The following LRRC7 variants were observed in gnomAD, a reference collection of about 807,000 sequenced individuals.
LRRC7 encodes the protein leucine rich repeat containing 7.
In LRRC7, 23 loss-of-function variants were observed where a neutral mutation model predicts 175.7. The ratio of observed to expected loss-of-function variants is 0.13; its 90% CI spans 0.09 to 0.19. LRRC7 has a LOEUF of 0.19. Among genes scored for constraint, LRRC7 ranks in the 10% least tolerant of loss-of-function variants. The probability of loss-of-function intolerance (pLI) is 1.00; values close to 1 mark genes in which losing one functional copy is unlikely to be tolerated. For synonymous variants in LRRC7, 685 were observed against 680.9 expected (o/e 1.01, Z -0.09); for missense variants, 1,354 against 1,904.7 (o/e 0.71, Z 5.38).
At chr1:69,718,185 G>GA (rs1331676303) in intron 2 of LRRC7, among the ~76,000 whole-genome samples, 37 of 132,548 alleles carry the variant, frequency 2.8e-4, no homozygotes, top group South Asian at 9.8e-4. Context: ...GAAAAGAAAA[G>GA]AAAGAGAGAG....
At chr1:69,570,313 A>AAATAAT (rs35984145) in intron 1 of LRRC7, among the ~76,000 whole-genome samples, 171 of 151,340 alleles carry the variant, frequency 1.1e-3, no homozygotes, top group South Asian at 8.9e-3. Context: ...TATAGAAGGA[A>AAATAAT]AATAATAATA....
chr1:70,091,673 C>T (rs1423351299), intron 25 of LRRC7, among the ~76,000 whole-genome samples: 2 of 152,138 alleles, frequency 1.3e-5, no homozygotes, highest in Non-Finnish European at 1.5e-5. Context: ...TGAATATGAA[C>T]ACTTTATAGC....
In LRRC7 at chr1:70,123,258, G is replaced by A. The variant is rs1053577410; in HGVS notation, c.*1371G>A. ...ATTTGAATTTCCAGGATAATTTCCC[G>A]GAGTTGGTTGCATGCATTATCTTTC... On this transcript the variant is annotated 3_prime_UTR_variant, in exon 27 of 27. Transcript: ENST00000651989. 3.3e-5 allele frequency: 5 copies of A among 151,896 alleles called. No individual in the cohort carries two copies. Among genetic ancestry groups the A allele is most frequent in the Non-Finnish European group, 7.4e-5 (5 of 67,932 alleles). The allele number at this position is 151,896 out of a possible 1,614,324, so 9.4% of individuals were successfully genotyped here. A position where few individuals can be genotyped will look rare whatever the true frequency, so the allele number is the denominator to read the frequency against.
intron 7 of LRRC7, among the ~76,000 whole-genome samples, chr1:69,857,426 C>T (rs1428135438): frequency 6.6e-6 from 1 of 152,162 alleles, no homozygotes; most frequent in African/African-American, 2.4e-5. Context: ...TCTCAGGATA[C>T]AAAATCAATG....
chr1:69,729,743 G>C (rs1371201935), intron 2 of LRRC7, among the ~76,000 whole-genome samples: 2 of 152,134 alleles, frequency 1.3e-5, no homozygotes, highest in Non-Finnish European at 2.9e-5. Context: ...CTGTTCTGGG[G>C]TCTGGAGGAC....
rs746302578 is a variant in LRRC7 at position 70,100,713 on chromosome 1, TCTC to T, written c.4546-7036_4546-7034del. Reference sequence around the variant, plus strand: ...TTAAATTTTCTGTTTCTAAAGCAATTCTCCTTCTGTTCATCTTTTACAGATTTT... The same window carrying T: ...TTAAATTTTCTGTTTCTAAAGCAATTCTTCTGTTCATCTTTTACAGATTTT... On this transcript the variant is annotated intron_variant, in intron 25 of 26. Coordinates refer to ENST00000651989, the MANE Select transcript of LRRC7 (RefSeq NM_001370785.2). 2.6e-5 allele frequency among the ~76,000 whole-genome samples: 4 copies of T among 152,190 alleles called. No homozygotes were observed. The South Asian group carries it at 6.2e-4, about 24-fold the overall frequency.
At chr1:69,912,190 G>A (rs1646552103) in intron 7 of LRRC7, among the ~76,000 whole-genome samples, 2 of 151,976 alleles carry the variant, frequency 1.3e-5, no homozygotes, top group Admixed American at 6.6e-5. Context: ...TACTCAGAAA[G>A]CCCAATATAA....
intron 7 of LRRC7, among the ~76,000 whole-genome samples, chr1:69,870,629 A>ATT (rs1685433928): frequency 6.6e-6 from 1 of 152,120 alleles, no homozygotes; most frequent in Admixed American, 6.6e-5. Context: ...GTATACATGC[A>ATT]ATTCCCGATG....
chr1:70,048,557 G>A (rs1660510323), intron 22 of LRRC7, among the ~76,000 whole-genome samples: 1 of 152,002 alleles, frequency 6.6e-6, no homozygotes, highest in African/African-American at 2.4e-5. Flanking sequence ...ATGACTCATA[G>A]GTTAAAAACC....
rs1426816732 is a variant in LRRC7 at position 70,136,953 on chromosome 1, G to A, written c.*15066G>A. On this transcript the variant is annotated 3_prime_UTR_variant, in exon 27 of 27. Coordinates refer to ENST00000651989, the MANE Select transcript of LRRC7 (RefSeq NM_001370785.2). Reference sequence around the variant, plus strand: ...TTGCCCAGGCTGGTCTCGAACTCCTGAGCTCAAGTGATCCTCCCACCTCAG... The same window carrying A: ...TTGCCCAGGCTGGTCTCGAACTCCTAAGCTCAAGTGATCCTCCCACCTCAG... 6.6e-6 allele frequency among the ~76,000 whole-genome samples: 1 copy of A among 151,822 alleles called. No homozygotes were observed. Among genetic ancestry groups the A allele is most frequent in the Admixed American group, 6.6e-5 (1 of 15,240 alleles).
chr1:70,125,025 T>C lies in LRRC7; in HGVS notation c.*3138T>C, dbSNP rs1205890386. ...AAAACTATTTACAAGGCTCATAATA[T>C]TTTGTCATTAAAGCTCTGCTATGAT... On this transcript the variant is annotated 3_prime_UTR_variant, in exon 27 of 27. Transcript: ENST00000651989. Among the ~76,000 whole-genome samples the C allele has an allele frequency of 6.6e-6, 1 of 152,230 alleles. No homozygotes were observed. The highest frequency in any genetic ancestry group is 2.4e-5 in the African/African-American group (1 of 41,462).
At chr1:69,938,275 A>T (rs1427561334) in intron 8 of LRRC7, among the ~76,000 whole-genome samples, 1 of 152,088 alleles carries the variant, frequency 6.6e-6, no homozygotes, top group Non-Finnish European at 1.5e-5. Flanking sequence ...AGCCATCCAC[A>T]AACTATATTA....
At chr1:69,753,646 C>T (rs549227505) in intron 2 of LRRC7, among the ~76,000 whole-genome samples, 5 of 152,014 alleles carry the variant, frequency 3.3e-5, no homozygotes, top group Non-Finnish European at 5.9e-5. Context: ...TCATATTTTA[C>T]ACCCGTATTC....
chr1:69,609,623 A>C (rs966649407), intron 1 of LRRC7, among the ~76,000 whole-genome samples: 87 of 152,086 alleles, frequency 5.7e-4, no homozygotes, highest in African/African-American at 2.0e-3. Context: ...GATGGTGCTC[A>C]GCTGGTACAT....
chr1:69,853,907 G>A (rs1012930374), intron 7 of LRRC7, among the ~76,000 whole-genome samples: 3 of 152,108 alleles, frequency 2.0e-5, no homozygotes, highest in African/African-American at 4.8e-5. Context: ...TTACTACCTT[G>A]TAAAGCCTGG....
At chr1:70,060,485 C>T (rs897711777) in intron 23 of LRRC7, among the ~76,000 whole-genome samples, 1 of 152,034 alleles carries the variant, frequency 6.6e-6, no homozygotes, top group Non-Finnish European at 1.5e-5. Context: ...TGAGAATAGG[C>T]ATTGTGCTGT....
intron 7 of LRRC7, among the ~76,000 whole-genome samples, chr1:69,924,763 C>A (rs1230207108): frequency 6.6e-6 from 1 of 152,170 alleles, no homozygotes; most frequent in Admixed American, 6.5e-5. Context: ...AATTTGACTT[C>A]CTCTTTTCCT....
intron 3 of LRRC7, among the ~76,000 whole-genome samples, chr1:69,778,497 T>C (rs375928312): frequency 2.9e-4 from 44 of 152,122 alleles, no homozygotes; most frequent in African/African-American, 1.0e-3. Context: ...TATGCAAGAG[T>C]ATATGAAAAC....
intron 4 of LRRC7, among the ~76,000 whole-genome samples, chr1:69,801,938 AT>A (rs1005462418): frequency 1.6e-4 from 22 of 141,298 alleles, no homozygotes; most frequent in East Asian, 1.1e-3. Context: ...TCATTTCAAA[AT>A]TTTTTTTTCT....
Sources: allele counts gnomAD v4.1 joint callset (sites outside exome capture counted in the v4.1 genomes callset), GRCh38; gene constraint gnomAD v4.1.1; transcripts MANE v1.5; gene names NCBI Gene and HGNC (gene_info 2026-07-23, HGNC 2026-07-21).